The following AK8 variants were observed in gnomAD, a reference collection of about 807,000 sequenced individuals.
The protein encoded by AK8 is ATP-AMP transphosphorylase 8.
Under a neutral mutation model 54.6 loss-of-function variants are expected in AK8, and 44 were observed. The observed-to-expected ratio is 0.81, with a 90% CI of 0.63 to 1.04. The LOEUF is 1.04. Ranked by LOEUF, AK8 falls within the 50% of genes least tolerant of loss-of-function variation. The pLI is 0.00. For synonymous variants in AK8, 239 were observed against 245.6 expected (o/e 0.97, Z 0.25); for missense variants, 555 against 613.6 (o/e 0.90, Z 1.01).
intron 11 of AK8, among the ~76,000 whole-genome samples, chr9:132,792,161 T>A (rs1386158713): frequency 6.6e-6 from 1 of 152,214 alleles, no homozygotes; most frequent in Admixed American, 6.5e-5. Flanking sequence ...ACAATTGTGA[T>A]GAGCTCTCAA....
chr9:132,827,447 A>G (rs983498936), intron 7 of AK8: 4 of 247,822 alleles, frequency 1.6e-5, no homozygotes, highest in African/African-American at 4.5e-5. Context: ...TACAGCCAGA[A>G]AGGGACAGAG....
chr9:132,822,400 TGTATTCCCTCTCTATATTCATATG>T (rs969119291), intron 9 of AK8, among the ~76,000 whole-genome samples: 2 of 151,668 alleles, frequency 1.3e-5, no homozygotes, highest in African/African-American at 4.8e-5. Flanking sequence ...TATATTTGTT[TGTATTCCCTCTCTATATTCATATG>T]GTATGCCTGT....
intron 11 of AK8, among the ~76,000 whole-genome samples, chr9:132,729,372 G>A (rs1836724591): frequency 6.6e-6 from 1 of 152,168 alleles, no homozygotes; most frequent in Non-Finnish European, 1.5e-5. Flanking sequence ...GTGCATGGCT[G>A]AGGAGCCCTG....
chr9:132,827,055 C>T lies in AK8; in HGVS notation c.557-1G>A, dbSNP rs1405260266. The T allele has an allele frequency of 1.2e-6, 2 of 1,613,896 alleles. No homozygotes were observed. Among genetic ancestry groups the T allele is most frequent in the East Asian group, 2.2e-5 (1 of 44,894 alleles). On this transcript the variant is annotated splice_acceptor_variant, in intron 7 of 12. Transcript: ENST00000298545. LOFTEE classifies it high-confidence loss of function. ...CAGTCAAAGGTGGTGTGATAAATCT[C>T]TACAAGGAGAGAGGTGCACAGTTAG...
In AK8 at chr9:132,765,292, C is replaced by CAAAAAAAAAAAAAAAAA. The variant is rs61495439; in HGVS notation, c.1121+27325_1121+27341dup. ...TGGGCAACAGAGCGAGACTCCATTT[C>CAAAAAAAAAAAAAAAAA]AAAAAAAAAAAAAAAAAAAAAAGAG... On this transcript the variant is annotated intron_variant, in intron 11 of 12. Transcript: ENST00000298545. Among the ~76,000 whole-genome samples the CAAAAAAAAAAAAAAAAA allele has an allele frequency of 2.2e-3, 136 of 62,794 alleles. 10 individuals are homozygous for CAAAAAAAAAAAAAAAAA. The highest frequency in any genetic ancestry group is 8.9e-3 in the African/African-American group (133 of 15,010). The allele number at this position is 62,794 out of a possible 152,430, so 41.2% of individuals were successfully genotyped here. A position where few individuals can be genotyped will look rare whatever the true frequency, so the allele number is the denominator to read the frequency against.
At chr9:132,753,311 G>C (rs917389252) in intron 11 of AK8, among the ~76,000 whole-genome samples, 2 of 152,244 alleles carry the variant, frequency 1.3e-5, no homozygotes, top group Non-Finnish European at 2.9e-5. Flanking sequence ...GCTAGGGGCT[G>C]GGCCTGGCCC....
chr9:132,725,879 G>C lies in AK8; in HGVS notation c.1249C>G (p.Arg417Gly). 1 of 1,611,674 alleles carries C rather than the reference G, an allele frequency of 6.2e-7. No homozygotes were observed. The highest frequency in any genetic ancestry group is 8.5e-7 in the Non-Finnish European group (1 of 1,179,508). Residue 417 changes from arginine to glycine, a missense_variant, in exon 13 of 13, where the codon CGC (arginine) becomes GGC (glycine). Physicochemically the swap from Arg to Gly is moderately radical, Grantham distance 125. Coordinates refer to ENST00000298545, the MANE Select transcript of AK8 (RefSeq NM_152572.3). ...KPPPTMEIQA[R>G]LLQNPKDAEE... ...GCATCCTTTGGGTTCTGCAGGAGGC[G>C]AGCCTGGATCTCCATGGTGGGAGGT...
chr9:132,744,398 CAGG>C (rs1307363736), intron 11 of AK8, among the ~76,000 whole-genome samples: 3 of 138,602 alleles, frequency 2.2e-5, no homozygotes, highest in Non-Finnish European at 4.6e-5. Context: ...TAAAAAGTAA[CAGG>C]AGAATAGACA....
chr9:132,872,280 G>A (rs1388413637), intron 2 of AK8, among the ~76,000 whole-genome samples: 2 of 152,126 alleles, frequency 1.3e-5, no homozygotes, highest in Non-Finnish European at 2.9e-5. Context: ...AGCCTGTAAT[G>A]GGCTGTAATC....
chr9:132,785,394 G>A (rs1334738258), intron 11 of AK8, among the ~76,000 whole-genome samples: 3 of 152,156 alleles, frequency 2.0e-5, no homozygotes, highest in Non-Finnish European at 2.9e-5. Context: ...GAGCCACCAC[G>A]CCCAACCGAC....
intron 5 of AK8, 49 bp downstream of exon 5, chr9:132,854,808 C>A: frequency 6.3e-7 from 1 of 1,598,528 alleles, no homozygotes; most frequent in East Asian, 2.2e-5. Flanking sequence ...ACGCCCTTCA[C>A]CCTCCCCTTT....
rs563950543 is a variant in AK8, at chr9:132,781,259, C to T, written c.1121+11375G>A. On this transcript the variant is annotated intron_variant, in intron 11 of 12. Transcript: ENST00000298545. This position sits in a 1 kb window ranked among gnomAD's most constrained non-coding sequence, Gnocchi z 4.6. ...TGAAATAACTTTTTTTCCTTCTTTT[C>T]GACAGATCAATTACTTGGTTTGTTT... Among the ~76,000 whole-genome samples, 33 of 151,540 alleles carry T rather than the reference C, an allele frequency of 2.2e-4. 1 individual carries two copies. The East Asian group carries it at 4.3e-3, about 20-fold the overall frequency.
intron 6 of AK8, 34 bp downstream of exon 6, chr9:132,828,611 T>C: frequency 6.3e-7 from 1 of 1,591,816 alleles, no homozygotes; most frequent in African/African-American, 1.3e-5. Context: ...GGGCTGCAGC[T>C]CTGGCAGGTG....
At chr9:132,823,881 G>A (rs1402027458) in intron 8 of AK8, among the ~76,000 whole-genome samples, 2 of 152,240 alleles carry the variant, frequency 1.3e-5, no homozygotes, top group South Asian at 2.1e-4. Context: ...GACTCGAATT[G>A]GAGAGTAGTT....
chr9:132,842,675 T>C (rs1842592841), intron 5 of AK8, among the ~76,000 whole-genome samples: 1 of 152,168 alleles, frequency 6.6e-6, no homozygotes, highest in African/African-American at 2.4e-5. Flanking sequence ...TTTCAAGGAG[T>C]CTGAGCACAG....
At chr9:132,728,979 CTCAG>C (rs1406363906) in intron 11 of AK8, among the ~76,000 whole-genome samples, 2 of 151,864 alleles carry the variant, frequency 1.3e-5, no homozygotes, top group African/African-American at 2.4e-5. Context: ...ACCTCCCAGG[CTCAG>C]TCAATCTGCC....
chr9:132,812,901 C>T (rs1841132351), intron 10 of AK8, among the ~76,000 whole-genome samples: 1 of 130,798 alleles, frequency 7.6e-6, no homozygotes, highest in African/African-American at 2.9e-5. Flanking sequence ...TCACCTCATT[C>T]TGTGGCCACC....
intron 4 of AK8, among the ~76,000 whole-genome samples, chr9:132,857,273 T>A (rs1245699742): frequency 6.6e-6 from 1 of 152,208 alleles, no homozygotes; most frequent in Non-Finnish European, 1.5e-5. Flanking sequence ...GGGACAGAGC[T>A]GAGAATGTGC....
In AK8 at chr9:132,805,144, C is replaced by T. The variant is rs536213630; in HGVS notation, c.979+9494G>A. ...TGTCAGAGACAATTTCACAGCTGAG[C>T]GCACTGGCGGTTTGCTCTTCTCTGA... On this transcript the variant is annotated intron_variant, in intron 10 of 12. Coordinates refer to ENST00000298545, the MANE Select transcript of AK8 (RefSeq NM_152572.3). 1.3e-3 allele frequency among the ~76,000 whole-genome samples: 202 copies of T among 152,300 alleles called. 2 individuals carry two copies. Among genetic ancestry groups the T allele is most frequent in the African/African-American group, 4.5e-3 (188 of 41,558 alleles).
Sources: allele counts gnomAD v4.1 joint callset (sites outside exome capture counted in the v4.1 genomes callset), GRCh38; gene constraint gnomAD v4.1.1; non-coding constraint Gnocchi (gnomAD v3.1); transcripts MANE v1.5; gene names NCBI Gene and HGNC (gene_info 2026-07-23, HGNC 2026-07-21).